DNAJC1: variants seen among roughly 807,000 people sequenced by gnomAD.
DNAJC1 encodes DnaJ heat shock protein family (Hsp40) member C1.
Under a neutral mutation model 76.6 loss-of-function variants are expected in DNAJC1, and 58 were observed. The observed-to-expected ratio is 0.76, with a 90% CI of 0.61 to 0.94. DNAJC1 has a LOEUF of 0.94. Ranked by LOEUF, DNAJC1 falls within the 40% of genes least tolerant of loss-of-function variation. The pLI is 0.00. For missense variants in DNAJC1, 689 were observed against 677.3 expected (o/e 1.02, Z -0.19); for synonymous variants, 258 against 267.9 (o/e 0.96, Z 0.36).
At chr10:21,803,617 GTGTGTGTA>G (rs1414456617) in intron 9 of DNAJC1, among the ~76,000 whole-genome samples, 85 of 150,920 alleles carry the variant, frequency 5.6e-4, no homozygotes, top group Middle Eastern at 3.4e-3. Context: ...GTGTGTGTGT[GTGTGTGTA>G]TGTATGTGTG....
intron 7 of DNAJC1, among the ~76,000 whole-genome samples, chr10:21,895,983 T>C (rs983403538): frequency 1.3e-5 from 2 of 152,164 alleles, no homozygotes; most frequent in Admixed American, 1.3e-4. Flanking sequence ...GCAGTAAACC[T>C]TGGTGGCATC....
chr10:21,758,586 C>T (rs532801808), intron 11 of DNAJC1, among the ~76,000 whole-genome samples: 10 of 152,374 alleles, frequency 6.6e-5, no homozygotes, highest in East Asian at 5.8e-4. Context: ...CCCTAGCTGT[C>T]GCCTGGCACT....
chr10:21,990,377 T>A (rs960085452), intron 1 of DNAJC1, among the ~76,000 whole-genome samples: 18 of 152,088 alleles, frequency 1.2e-4, no homozygotes, highest in Non-Finnish European at 1.8e-4. Flanking sequence ...GTATTTTTTT[T>A]AAAAAAAGGC....
intron 1 of DNAJC1, among the ~76,000 whole-genome samples, chr10:21,958,827 T>C (rs1216728086): frequency 1.3e-5 from 2 of 152,202 alleles, no homozygotes; most frequent in African/African-American, 4.8e-5. Flanking sequence ...ACTATTTTTT[T>C]TGCAGAAAAA....
chr10:21,782,027 A>G (rs1462016045), intron 9 of DNAJC1, among the ~76,000 whole-genome samples: 1 of 152,210 alleles, frequency 6.6e-6, no homozygotes, highest in African/African-American at 2.4e-5. Flanking sequence ...AGCAGAAGGC[A>G]AGAAATAACT....
At chr10:21,783,254 A>G (rs201977686) in intron 9 of DNAJC1, among the ~76,000 whole-genome samples, 4 of 152,348 alleles carry the variant, frequency 2.6e-5, no homozygotes, top group East Asian at 1.9e-4. Flanking sequence ...TTATACACCA[A>G]TAACAGACAA....
At chr10:21,777,137 T>A (rs1834462653) in intron 9 of DNAJC1, among the ~76,000 whole-genome samples, 1 of 152,194 alleles carries the variant, frequency 6.6e-6, no homozygotes, top group Non-Finnish European at 1.5e-5. Context: ...AGTTCTTTAA[T>A]GAATATCATT....
intron 8 of DNAJC1, among the ~76,000 whole-genome samples, chr10:21,852,959 T>C (rs1378978310): frequency 6.6e-6 from 1 of 152,190 alleles, no homozygotes; most frequent in African/African-American, 2.4e-5. Context: ...CAAGTCTGAA[T>C]TTTATTTCTG....
intron 8 of DNAJC1, among the ~76,000 whole-genome samples, chr10:21,828,749 T>A (rs1380694412): frequency 1.3e-5 from 2 of 152,200 alleles, no homozygotes; most frequent in African/African-American, 4.8e-5. Context: ...CTCAGTAACA[T>A]TTTTGGAAGG....
chr10:21,989,537 C>T lies in DNAJC1; in HGVS notation c.222+13676G>A, dbSNP rs536481528. Among the ~76,000 whole-genome samples the T allele has an allele frequency of 2.2e-4, 33 of 152,248 alleles. 1 individual carries two copies. The highest frequency in any genetic ancestry group is 1.9e-3 in the Admixed American group (29 of 15,296). ...GTGATGAGGACTGAAAGTACTCTACCAAGGCCTGGGATCACAGCCAGGCTT... is the reference window on the plus strand; with the variant it reads ...GTGATGAGGACTGAAAGTACTCTACTAAGGCCTGGGATCACAGCCAGGCTT... On this transcript the variant is annotated intron_variant, in intron 1 of 11. Transcript: ENST00000376980.
chr10:21,868,076 C>CAAAAAAAA (rs775127374), intron 8 of DNAJC1, among the ~76,000 whole-genome samples: 1 of 21,224 alleles, frequency 4.7e-5, no homozygotes, highest in East Asian at 3.8e-3. Flanking sequence ...ATTCTGTCTC[C>CAAAAAAAA]AAAAAAAAAA....
At chr10:21,932,985 G>C (rs112568535) in intron 1 of DNAJC1, among the ~76,000 whole-genome samples, 1 of 151,992 alleles carries the variant, frequency 6.6e-6, no homozygotes, top group Non-Finnish European at 1.5e-5. Context: ...GTTTCTATAA[G>C]TATAGAAAAA....
intron 10 of DNAJC1, among the ~76,000 whole-genome samples, chr10:21,763,057 A>C (rs2131616946): frequency 6.6e-6 from 1 of 152,174 alleles, no homozygotes; most frequent in South Asian, 2.1e-4. Flanking sequence ...CAGCTTCCCG[A>C]GTAGCTGAGA....
intron 6 of DNAJC1, among the ~76,000 whole-genome samples, chr10:21,916,389 T>G (rs1836956944): frequency 6.6e-6 from 1 of 152,130 alleles, no homozygotes; most frequent in African/African-American, 2.4e-5. Flanking sequence ...CTCGGGAGGC[T>G]GAGGCAGGAG....
chr10:21,794,284 A>AAG (rs746061760), intron 9 of DNAJC1, among the ~76,000 whole-genome samples: 147 of 149,584 alleles, frequency 9.8e-4, no homozygotes, highest in South Asian at 7.3e-3. Flanking sequence ...AAAAAAAAAA[A>AAG]AGAGAGAGAG....
At chr10:21,940,941 A>C (rs1227978921) in intron 1 of DNAJC1, among the ~76,000 whole-genome samples, 1 of 151,884 alleles carries the variant, frequency 6.6e-6, no homozygotes, top group Non-Finnish European at 1.5e-5. Flanking sequence ...ACAGTTTTAT[A>C]ATAAAGAGAT....
chr10:21,896,623 A>G lies in DNAJC1; in HGVS notation c.820+7899T>C, dbSNP rs147415854. 1.9e-3 allele frequency among the ~76,000 whole-genome samples: 290 copies of G among 152,286 alleles called. 1 individual carries two copies. Among genetic ancestry groups the G allele is most frequent in the African/African-American group, 6.6e-3 (276 of 41,554 alleles). On this transcript the variant is annotated intron_variant, in intron 7 of 11. Transcript: ENST00000376980. ...CATATCTGATTTAGATTATATTTAG[A>G]TAAGACTATAGACCTTAAACTTTAA...
At chr10:21,939,178 C>T (rs558452669) in intron 1 of DNAJC1, among the ~76,000 whole-genome samples, 53 of 152,100 alleles carry the variant, frequency 3.5e-4, no homozygotes, top group Non-Finnish European at 6.5e-4. Flanking sequence ...AGTGAGCCAC[C>T]GCTCCCGGCC....
intron 8 of DNAJC1, among the ~76,000 whole-genome samples, chr10:21,839,191 C>A (rs1011581204): frequency 1.3e-5 from 2 of 152,082 alleles, no homozygotes; most frequent in Non-Finnish European, 2.9e-5. Context: ...ATTAAAAGAA[C>A]TAGAAAAGCA....
Sources: allele counts gnomAD v4.1 joint callset (sites outside exome capture counted in the v4.1 genomes callset), GRCh38; gene constraint gnomAD v4.1.1; transcripts MANE v1.5; gene names NCBI Gene and HGNC (gene_info 2026-07-23, HGNC 2026-07-21).